The following ITGB7 variants were observed in gnomAD, a reference collection of about 807,000 sequenced individuals.
ITGB7 encodes integrin beta-7.
ITGB7 carries 55 observed loss-of-function variants against 83.4 expected under a neutral mutation model. That is an observed-to-expected ratio of 0.66 (90% CI 0.53 to 0.83). The LOEUF (loss-of-function observed/expected upper bound fraction) is 0.83, where lower values mean the gene tolerates loss of function less well. Among genes scored for constraint, ITGB7 ranks in the 40% least tolerant of loss-of-function variants. The probability of loss-of-function intolerance (pLI) is 0.00; values close to 1 mark genes in which losing one functional copy is unlikely to be tolerated. For synonymous variants in ITGB7, 454 were observed against 423.6 expected (o/e 1.07, Z -0.88); for missense variants, 921 against 1,046.7 (o/e 0.88, Z 1.66).
In ITGB7 at chr12:53,194,237, C is replaced by T. The variant is rs760208392; in HGVS notation, c.1269G>A (p.Glu423=). 3.1e-6 allele frequency: 5 copies of T among 1,614,136 alleles called. No individual in the cohort carries two copies. The highest frequency in any genetic ancestry group is 4.2e-6 in the Non-Finnish European group (5 of 1,180,018). The part of the protein sequence containing the change: ...EGPEKREGKA[E]DRGQCNHVRI... The stretch of plus-strand genomic sequence containing the variant: ...GGACGTGGTTGCACTGTCCTCGATC[C>T]TCAGCCTTACCCTCCCTCTTCTCAG... The change falls in exon 10 of 16, where the codon GAG becomes GAA. Residue 423 remains glutamate (E), a synonymous_variant. Transcript: ENST00000267082.
intron 1 of ITGB7, among the ~76,000 whole-genome samples, chr12:53,203,555 C>T (rs992087531): frequency 3.6e-5 from 5 of 138,666 alleles, no homozygotes; most frequent in African/African-American, 1.4e-4. Flanking sequence ...AACTGAGGCA[C>T]AAGAATCGCT....
chr12:53,200,284 A>G lies in ITGB7; in HGVS notation c.160T>C (p.Cys54Arg). Residue 54 changes from cysteine (C) to arginine (R), a missense_variant, in exon 3 of 16, where the codon TGC (cysteine) becomes CGC (arginine). Transcript: ENST00000267082. ...GCACAGCTGGGGTGTGAGAGGATGC[A>G]CTTCTGGCAGGAGGGGGCTGGCTGG... ...SCQPAPSCQKCILSHPSCAWC... is the reference protein window; with the variant it reads ...SCQPAPSCQKRILSHPSCAWC... 6.2e-7 allele frequency: 1 copy of G among 1,614,140 alleles called. No homozygotes were observed. Among genetic ancestry groups the G allele is most frequent in the African/African-American group, 1.3e-5 (1 of 75,050 alleles).
intron 3 of ITGB7, among the ~76,000 whole-genome samples, chr12:53,198,708 C>CA (rs1210427952): frequency 1.3e-5 from 2 of 151,600 alleles, no homozygotes; most frequent in African/African-American, 2.4e-5. Flanking sequence ...TTCACTACCA[C>CA]AAAAAAACAG....
At position 53,193,403 on chromosome 12, in the gene ITGB7, T is replaced by A. The variant is rs1208062834; in HGVS notation, c.1503-40A>T. On this transcript the variant is annotated intron_variant, in intron 11 of 15. Transcript: ENST00000267082. ...CAAAGGAGAGAAGTAGGTCAGAGGG[T>A]TTGATCACCCCTGACTTGTCTCTCC... The A allele has an allele frequency of 2.1e-6, 3 of 1,415,846 alleles. No homozygotes were observed. In the African/African-American group the frequency reaches 4.3e-5, roughly 20 times the overall value. 87.7% of individuals were successfully genotyped at this position (1,415,846 alleles called of 1,614,324 possible).
At chr12:53,200,925 T>TC in intron 2 of ITGB7, 147 bp downstream of exon 2, 1 of 151,462 alleles carries the variant, frequency 6.6e-6, no homozygotes, top group East Asian at 2.0e-4. Flanking sequence ...CAAGAATCTG[T>TC]CTTAAAAAAA....
intron 14 of ITGB7, 129 bp from the exon 15 acceptor site, chr12:53,192,148 A>G: frequency 7.8e-7 from 1 of 1,284,822 alleles, no homozygotes; most frequent in Non-Finnish European, 1.1e-6. Flanking sequence ...GGGAGGTCCA[A>G]GGTTATCCTC....
intron 1 of ITGB7, among the ~76,000 whole-genome samples, chr12:53,202,778 T>A (rs1203957932): frequency 1.3e-5 from 2 of 152,004 alleles, no homozygotes; most frequent in Non-Finnish European, 2.9e-5. Flanking sequence ...CTGGCTAACA[T>A]AGTGAAACCC....
intron 3 of ITGB7, among the ~76,000 whole-genome samples, chr12:53,199,820 T>C (rs1231973035): frequency 3.3e-5 from 5 of 152,084 alleles, no homozygotes; most frequent in Non-Finnish European, 7.3e-5. Context: ...TTAGGAGAAA[T>C]GAATTCCTGT....
At position 53,195,359 on chromosome 12, in the gene ITGB7, C is replaced by G. The variant is rs764596150; in HGVS notation, c.1161+15G>C. Reference sequence around the variant, plus strand: ...GTGCCCACCCTCACCATCTCCCCTTCCCCTGGCCCCTCACATTATAAGCAT... The same window carrying G: ...GTGCCCACCCTCACCATCTCCCCTTGCCCTGGCCCCTCACATTATAAGCAT... On this transcript the variant is annotated intron_variant, in intron 9 of 15. Coordinates refer to ENST00000267082, the MANE Select transcript of ITGB7 (RefSeq NM_000889.3). 3.8e-6 allele frequency: 6 copies of G among 1,592,770 alleles called. No individual in the cohort carries two copies. Among genetic ancestry groups the G allele is most frequent in the African/African-American group, 1.3e-5 (1 of 74,600 alleles).
chr12:53,206,002 A>G (rs1469491153), intron 1 of ITGB7, among the ~76,000 whole-genome samples: 2 of 152,132 alleles, frequency 1.3e-5, no homozygotes, highest in African/African-American at 4.8e-5. Context: ...GTTTTGACTC[A>G]TCTCTCACAA....
intron 12 of ITGB7, 66 bp from the exon 13 acceptor site, chr12:53,192,976 C>G: frequency 2.0e-6 from 3 of 1,513,804 alleles, no homozygotes; most frequent in South Asian, 1.1e-5. Flanking sequence ...TCATGTGGCA[C>G]GACAAGCCCA....
At chr12:53,201,928 G>A (rs988021218) in intron 1 of ITGB7, among the ~76,000 whole-genome samples, 1 of 152,178 alleles carries the variant, frequency 6.6e-6, no homozygotes, top group African/African-American at 2.4e-5. Flanking sequence ...AGACAGTGTG[G>A]TACTGGCATA....
chr12:53,199,831 T>G (rs982330948), intron 3 of ITGB7, among the ~76,000 whole-genome samples: 2 of 152,186 alleles, frequency 1.3e-5, no homozygotes, highest in Non-Finnish European at 2.9e-5. Flanking sequence ...GAATTCCTGT[T>G]GCTTAAACCA....
chr12:53,198,630 C>T (rs553737797), intron 3 of ITGB7, among the ~76,000 whole-genome samples: 3 of 151,792 alleles, frequency 2.0e-5, no homozygotes, highest in Admixed American at 2.0e-4. Context: ...TCAACTCCCC[C>T]TTGCCCCAGC....
At chr12:53,204,590 C>T (rs1942391695) in intron 1 of ITGB7, among the ~76,000 whole-genome samples, 1 of 152,120 alleles carries the variant, frequency 6.6e-6, no homozygotes, top group East Asian at 1.9e-4. Context: ...GGAATGACTG[C>T]TTAATGGGCA....
intron 2 of ITGB7, 54 bp from the exon 3 acceptor site, chr12:53,200,500 T>G (rs574259299): frequency 7.5e-6 from 11 of 1,461,806 alleles, no homozygotes; most frequent in Non-Finnish European, 9.6e-6. Context: ...ACTCTCAAAC[T>G]CTCAGTCCTC....
Position 53,191,356 on chromosome 12 carries a change from GGTAGCCCA to G in ITGB7, c.*192_*199del, listed in dbSNP as rs578170105. The G allele has an allele frequency of 1.5e-4, 87 of 599,510 alleles. 1 individual carries two copies. The South Asian group carries it at 1.6e-3, about 11-fold the overall frequency. 37.1% of individuals were successfully genotyped at this position (599,510 alleles called of 1,614,324 possible). The stretch of plus-strand genomic sequence containing the variant: ...AAGACTTTATTGTATACTTGGGTGG[GGTAGCCCA>G]GATGGATGCAAGGTTGCAGGCATGG... On this transcript the variant is annotated 3_prime_UTR_variant, in exon 16 of 16. Coordinates refer to ENST00000267082, the MANE Select transcript of ITGB7 (RefSeq NM_000889.3).
rs759615274 is a variant in ITGB7 at position 53,200,195 on chromosome 12, A to G, written c.201+48T>C. 5 of 1,491,064 alleles carry G rather than the reference A, an allele frequency of 3.4e-6. No individual in the cohort carries two copies. In the Admixed American group the frequency reaches 6.7e-5, roughly 20 times the overall value. The allele number at this position is 1,491,064 out of a possible 1,614,324, so 92.4% of individuals were successfully genotyped here. A position where few individuals can be genotyped will look rare whatever the true frequency, so the allele number is the denominator to read the frequency against. ...ATCCAGGCTGCACATACATATACACATACACATACACATACACATGGTTCA... is the reference window on the plus strand; with the variant it reads ...ATCCAGGCTGCACATACATATACACGTACACATACACATACACATGGTTCA... On this transcript the variant is annotated intron_variant, in intron 3 of 15. Transcript: ENST00000267082.
At chr12:53,194,796 G>A (rs1942098895) in intron 9 of ITGB7, 1 of 174,160 alleles carries the variant, frequency 5.7e-6, no homozygotes, top group Non-Finnish European at 1.2e-5. Context: ...TAGTTGCAGA[G>A]GTAAGACCTA....
Sources: gnomAD v4.1 joint callset for allele counts (sites outside exome capture counted in the v4.1 genomes callset) on GRCh38, gnomAD v4.1.1 for gene constraint, MANE v1.5 for transcripts, NCBI Gene and HGNC (gene_info 2026-07-23, HGNC 2026-07-21) for gene names.